THUMPD2: variants seen among roughly 807,000 people sequenced by gnomAD.
The protein encoded by THUMPD2 is THUMP domain 2 tRNA and snRNA guanosine methyltransferase.
Under a neutral mutation model 49.4 loss-of-function variants are expected in THUMPD2, and 56 were observed. The observed-to-expected ratio is 1.13, with a 90% confidence interval of 0.91 to 1.41. THUMPD2 has a LOEUF of 1.41. Among genes scored for constraint, THUMPD2 ranks in the 40% most tolerant of loss-of-function variants. The pLI, the probability that THUMPD2 is intolerant of heterozygous loss-of-function variation, is 0.00. For synonymous variants in THUMPD2, 237 were observed against 205.2 expected (o/e 1.15, Z -1.32); for missense variants, 709 against 594.5 (o/e 1.19, Z -2.00).
At chr2:39,742,190 C>T (rs1321012713) in intron 9 of THUMPD2, among the ~76,000 whole-genome samples, 1 of 151,906 alleles carries the variant, frequency 6.6e-6, no homozygotes, top group Non-Finnish European at 1.5e-5. Context: ...AACTTCAAAC[C>T]ATAAAAAAAA....
chr2:39,745,549 C>T (rs1674467243), intron 8 of THUMPD2, among the ~76,000 whole-genome samples: 1 of 152,106 alleles, frequency 6.6e-6, no homozygotes, highest in African/African-American at 2.4e-5. Context: ...CGAAGGCAAC[C>T]ATAGTTCTCA....
Position 39,757,283 on chromosome 2 carries a change from A to G in THUMPD2, c.892-1323T>C, listed in dbSNP as rs766947672. 1.5e-4 allele frequency: 124 copies of G among 800,076 alleles called. 1 individual carries two copies. Among genetic ancestry groups the G allele is most frequent in the Non-Finnish European group, 2.3e-4 (122 of 529,552 alleles). 49.6% of individuals were successfully genotyped at this position (800,076 alleles called of 1,614,324 possible). On this transcript the variant is annotated intron_variant, in intron 6 of 9. Transcript: ENST00000505747. Reference sequence around the variant, plus strand: ...GGCCCAGTCGTGCTCGAGATAGGGGAGAAAAGACATCCACCACTTGATATG... The same window carrying G: ...GGCCCAGTCGTGCTCGAGATAGGGGGGAAAAGACATCCACCACTTGATATG...
At chr2:39,744,160 A>G (rs1674275706) in intron 9 of THUMPD2, among the ~76,000 whole-genome samples, 1 of 152,186 alleles carries the variant, frequency 6.6e-6, no homozygotes, top group African/African-American at 2.4e-5. Context: ...TAGAAAATTA[A>G]TATTTTTCTG....
intron 8 of THUMPD2, among the ~76,000 whole-genome samples, chr2:39,750,463 T>G (rs968375069): frequency 1.2e-4 from 18 of 152,342 alleles, no homozygotes; most frequent in African/African-American, 4.1e-4. Context: ...TCTTATAAAT[T>G]TGTTAGGCCA....
chr2:39,770,105 C>A lies in THUMPD2; in HGVS notation c.277G>T (p.Glu93Ter). 6.7e-7 allele frequency: 1 copy of A among 1,486,640 alleles called. No individual in the cohort carries two copies. The highest frequency in any genetic ancestry group is 8.9e-7 in the Non-Finnish European group (1 of 1,127,460). 92.1% of individuals were successfully genotyped at this position (1,486,640 alleles called of 1,614,324 possible). The change falls in exon 3 of 10, where the codon GAA (glutamate) becomes TAA (stop). Residue 93 changes from glutamate to a stop codon, truncating the protein, a stop_gained. Transcript: ENST00000505747. LOFTEE classifies it high-confidence loss of function. ...SSVSKGKIFN[E>*]MQRLINEDPG... is the part of the protein sequence containing the mutation. ...TCTTCATTTATAAGTCTTTGCATTT[C>A]ATTAAATATTTTTCCTAAATAAGAA...
At chr2:39,749,151 T>G (rs1218082721) in intron 8 of THUMPD2, among the ~76,000 whole-genome samples, 1 of 152,180 alleles carries the variant, frequency 6.6e-6, no homozygotes, top group East Asian at 1.9e-4. Flanking sequence ...AGCATGATGT[T>G]GTGGCCCACC....
chr2:39,765,061 AT>A (rs1475913675), intron 5 of THUMPD2, among the ~76,000 whole-genome samples: 2 of 152,206 alleles, frequency 1.3e-5, no homozygotes, highest in African/African-American at 4.8e-5. Flanking sequence ...AAAATTAAGC[AT>A]TTTTATATAT....
intron 8 of THUMPD2, among the ~76,000 whole-genome samples, chr2:39,754,734 C>T (rs1675868548): frequency 1.3e-5 from 2 of 152,196 alleles, no homozygotes; most frequent in Admixed American, 1.3e-4. Context: ...GCTGATTCCC[C>T]TTCATTAAAC....
intron 1 of THUMPD2, among the ~76,000 whole-genome samples, chr2:39,772,891 T>C (rs139267578): frequency 1.5e-3 from 233 of 152,276 alleles, no homozygotes; most frequent in Middle Eastern, 0.014. Flanking sequence ...GCTCTTGGAA[T>C]GGTAATTTCT....
intron 6 of THUMPD2, among the ~76,000 whole-genome samples, chr2:39,756,569 C>A (rs140410069): frequency 6.6e-6 from 1 of 151,618 alleles, no homozygotes; most frequent in Non-Finnish European, 1.5e-5. Flanking sequence ...GTAAGGAACA[C>A]GGGTCTGGTC....
intron 6 of THUMPD2, chr2:39,757,501 T>C: frequency 1.1e-6 from 1 of 943,134 alleles, no homozygotes; most frequent in Non-Finnish European, 1.4e-6. Flanking sequence ...ATGCAAATTT[T>C]GTTGAAAATT....
At chr2:39,760,811 T>C (rs1676722240) in intron 6 of THUMPD2, among the ~76,000 whole-genome samples, 2 of 152,114 alleles carry the variant, frequency 1.3e-5, no homozygotes, top group South Asian at 4.1e-4. Context: ...AACATGTATA[T>C]ACCAAGCCAC....
At chr2:39,760,063 T>C (rs1676621848) in intron 6 of THUMPD2, among the ~76,000 whole-genome samples, 1 of 152,200 alleles carries the variant, frequency 6.6e-6, no homozygotes, top group African/African-American at 2.4e-5. Flanking sequence ...TTCTATCTAA[T>C]GACTAAGAAT....
chr2:39,755,221 T>C lies in THUMPD2; in HGVS notation c.1078+74A>G, dbSNP rs1212345595. ...AAAACCAACCTTTACATAGTGAGAC[T>C]TGTTTTATATTATGATTCTAAATAT... On this transcript the variant is annotated intron_variant, in intron 8 of 9. Transcript: ENST00000505747. 3 of 1,037,480 alleles carry C rather than the reference T, an allele frequency of 2.9e-6. No homozygotes were observed. In the African/African-American group the frequency reaches 5.2e-5, roughly 18 times the overall value. 64.3% of individuals were successfully genotyped at this position (1,037,480 alleles called of 1,614,324 possible).
chr2:39,742,709 C>G (rs894637010), intron 9 of THUMPD2, among the ~76,000 whole-genome samples: 19 of 152,194 alleles, frequency 1.2e-4, no homozygotes, highest in African/African-American at 4.6e-4. Context: ...TTAACTCTGG[C>G]TGCACTACAG....
At chr2:39,739,775 G>T (rs868792240) in intron 9 of THUMPD2, among the ~76,000 whole-genome samples, 10 of 152,168 alleles carry the variant, frequency 6.6e-5, no homozygotes, top group African/African-American at 2.4e-4. Flanking sequence ...GGAACTGAGA[G>T]GATAAACCCT....
In THUMPD2 at chr2:39,736,471, G is replaced by T; in HGVS notation, c.*264C>A. The T allele has an allele frequency of 3.1e-6, 1 of 323,364 alleles. No individual in the cohort carries two copies. Among genetic ancestry groups the T allele is most frequent in the Non-Finnish European group, 5.6e-6 (1 of 178,054 alleles). 20.0% of individuals were successfully genotyped at this position (323,364 alleles called of 1,614,324 possible). On this transcript the variant is annotated 3_prime_UTR_variant, in exon 10 of 10. Transcript: ENST00000505747. The stretch of plus-strand genomic sequence containing the variant: ...AAATTGAAGTTTTTGCTCAGAAACT[G>T]GGCAGAACTTTTCACATTCTGACAG...
chr2:39,754,187 G>C (rs1675799910), intron 8 of THUMPD2, among the ~76,000 whole-genome samples: 1 of 152,150 alleles, frequency 6.6e-6, no homozygotes, highest in South Asian at 2.1e-4. Flanking sequence ...TTTTCTTAAA[G>C]GTTTCAAAGA....
intron 1 of THUMPD2, among the ~76,000 whole-genome samples, chr2:39,772,092 G>A (rs1053176770): frequency 2.0e-5 from 3 of 152,152 alleles, no homozygotes; most frequent in African/African-American, 7.2e-5. Context: ...AGTACACTAA[G>A]TAGCAATGAC....
Sources: gnomAD v4.1 joint callset for allele counts (sites outside exome capture counted in the v4.1 genomes callset) on GRCh38, gnomAD v4.1.1 for gene constraint, MANE v1.5 for transcripts, NCBI Gene and HGNC (gene_info 2026-07-23, HGNC 2026-07-21) for gene names.